CFAP57: variants seen among roughly 807,000 people sequenced by gnomAD.
The protein encoded by CFAP57 is cilia- and flagella-associated protein 57.
Under a neutral mutation model 146.8 loss-of-function variants are expected in CFAP57, and 116 were observed. The ratio of observed to expected loss-of-function variants is 0.79; its 90% CI spans 0.68 to 0.92. The LOEUF (loss-of-function observed/expected upper bound fraction) is 0.92. Among genes scored for constraint, CFAP57 ranks in the 40% least tolerant of loss-of-function variants. The pLI is 0.00. For synonymous variants in CFAP57, 518 were observed against 552.8 expected, an observed-to-expected ratio of 0.94 and a Z score of 0.88; for missense variants, 1,377 against 1,527.2, an observed-to-expected ratio of 0.90 and a Z score of 1.64.
At chr1:43,174,005 TTAA>T (rs1365619025) in intron 2 of CFAP57, among the ~76,000 whole-genome samples, 1 of 152,242 alleles carries the variant, frequency 6.6e-6, no homozygotes, top group African/African-American at 2.4e-5. Context: ...TTTGCTATCA[TTAA>T]TGATGATGAG....
intron 21 of CFAP57, among the ~76,000 whole-genome samples, chr1:43,236,590 TAAAAAAAAAA>T (rs764205138): frequency 7.2e-5 from 3 of 41,802 alleles, no homozygotes; most frequent in South Asian, 3.5e-3. Context: ...GAATAAGTGC[TAAAAAAAAAA>T]AAAAAAAAAA....
intron 21 of CFAP57, 131 bp from the exon 22 acceptor site, chr1:43,243,096 T>G: frequency 1.8e-6 from 2 of 1,098,070 alleles, no homozygotes; most frequent in Non-Finnish European, 2.4e-6. Flanking sequence ...CAGGCCCCAA[T>G]AGAGGATCCA....
Position 43,209,829 on chromosome 1 carries a change from G to T in CFAP57, c.1842G>T (p.Ser614=). The change falls in exon 11 of 23, where the codon TCG becomes TCT. Residue 614 remains serine, a synonymous_variant. Coordinates refer to ENST00000372492, the MANE Select transcript of CFAP57 (RefSeq NM_001378189.1). ...HSGRMMFVGT[S]VGTIRAMKYP... Reference sequence around the variant, plus strand: ...GACGCATGATGTTTGTGGGCACCTCGGTGGGAACCATTCGTGCCATGAAGT... The same window carrying T: ...GACGCATGATGTTTGTGGGCACCTCTGTGGGAACCATTCGTGCCATGAAGT... 1.2e-6 allele frequency: 2 copies of T among 1,614,180 alleles called. No individual in the cohort carries two copies. Among genetic ancestry groups the T allele is most frequent in the East Asian group, 4.5e-5 (2 of 44,878 alleles).
chr1:43,181,624 C>T lies in CFAP57; in HGVS notation c.248C>T (p.Ala83Val). ...TCTGAGACTGTGCAAGAAAAACCTG[C>T]CATCACCATTTATGAATTGTCATCC... Reference protein sequence around the residue: ...AISETVQEKPAITIYELSSIP... With the variant: ...AISETVQEKPVITIYELSSIP... The change falls in exon 3 of 23, where the codon GCC (alanine) becomes GTC (valine). Residue 83 changes from alanine (A) to valine (V), a missense_variant. Ala to Val is a moderately conservative substitution (Grantham distance 64). Transcript: ENST00000372492. 6.2e-7 allele frequency: 1 copy of T among 1,614,210 alleles called. No individual in the cohort carries two copies. The highest frequency in any genetic ancestry group is 2.2e-5 in the East Asian group (1 of 44,894).
intron 21 of CFAP57, among the ~76,000 whole-genome samples, chr1:43,242,780 T>A (rs1012598320): frequency 1.3e-5 from 2 of 152,288 alleles, no homozygotes; most frequent in East Asian, 1.9e-4. Flanking sequence ...TACCTCTCTG[T>A]GCCTCACTTT....
At chr1:43,193,321 C>T (rs1342970606) in intron 6 of CFAP57, among the ~76,000 whole-genome samples, 1 of 152,060 alleles carries the variant, frequency 6.6e-6, no homozygotes, top group Non-Finnish European at 1.5e-5. Context: ...CTGACAATCT[C>T]TTTTGATTGG....
chr1:43,188,050 C>A, intron 6 of CFAP57, among the ~76,000 whole-genome samples: 1 of 152,222 alleles, frequency 6.6e-6, no homozygotes. Context: ...GCAGTCCACC[C>A]GCCTCATCCT....
rs1009989286 is a variant in CFAP57, at chr1:43,245,931, C to T, written c.3538+2572C>T. ...TATACTAACAATGTACTATCCAAAA[C>T]GGAAATTAAGAAAACAATTGCATTT... On this transcript the variant is annotated intron_variant, in intron 22 of 22. Transcript: ENST00000372492. Among the ~76,000 whole-genome samples, 66 of 152,170 alleles carry T rather than the reference C, an allele frequency of 4.3e-4. No homozygotes were observed. In the East Asian group the frequency reaches 5.8e-3, roughly 13 times the overall value.
At chr1:43,186,610 CAAAAAAAA>C (rs36219136) in intron 5 of CFAP57, 89 bp from the exon 6 acceptor site, 3,896 of 748,694 alleles carry the variant, frequency 5.2e-3, no homozygotes, top group East Asian at 0.02. Flanking sequence ...GACTCCGTCT[CAAAAAAAA>C]AAAAAAAAAA....
intron 9 of CFAP57, among the ~76,000 whole-genome samples, chr1:43,204,242 T>C (rs1644256671): frequency 6.6e-6 from 1 of 152,220 alleles, no homozygotes; most frequent in African/African-American, 2.4e-5. Context: ...TACCTTCCTT[T>C]AATTATTTAA....
At position 43,185,327 on chromosome 1, in the gene CFAP57, G is replaced by A. The variant is rs761048869; in HGVS notation, c.940G>A (p.Asp314Asn). Reference sequence around the variant, plus strand: ...GCTGTTTGAGAAGATGGAAGAAAAGGATTTTTACCGTGAGAGCAGAGAAAT... The same window carrying A: ...GCTGTTTGAGAAGATGGAAGAAAAGAATTTTTACCGTGAGAGCAGAGAAAT... ...VLLFEKMEEK[D>N]FYRESREIRI... Residue 314 changes from aspartate (D) to asparagine (N), a missense_variant, in exon 5 of 23, where the codon GAT becomes AAT. By Grantham distance (23) the Asp-to-Asn change is conservative. Transcript: ENST00000372492. 3 of 1,614,004 alleles carry A rather than the reference G, an allele frequency of 1.9e-6. No homozygotes were observed. Among genetic ancestry groups the A allele is most frequent in the Non-Finnish European group, 8.5e-7 (1 of 1,180,002 alleles).
At chr1:43,243,447 G>A in intron 22 of CFAP57, 88 bp downstream of exon 22, 1 of 1,383,800 alleles carries the variant, frequency 7.2e-7, no homozygotes, top group Non-Finnish European at 9.5e-7. Context: ...GCTTCCTTCT[G>A]TATCAGGTCC....
At chr1:43,216,267 C>G (rs957806018) in intron 12 of CFAP57, among the ~76,000 whole-genome samples, 1 of 152,110 alleles carries the variant, frequency 6.6e-6, no homozygotes, top group Non-Finnish European at 1.5e-5. Flanking sequence ...GGGATAGAAA[C>G]AAGTAAAGCC....
chr1:43,172,763 G>A lies in CFAP57; in HGVS notation c.10G>A (p.Val4Met), dbSNP rs1557715264. 2 of 1,614,156 alleles carry A rather than the reference G, an allele frequency of 1.2e-6. No individual in the cohort carries two copies. The highest frequency in any genetic ancestry group is 4.5e-5 in the East Asian group (2 of 44,886). The change falls in exon 2 of 23, where the codon GTG (valine) becomes ATG (methionine). Residue 4 changes from valine to methionine, a missense_variant. Val to Met is a conservative substitution (Grantham distance 21). Coordinates refer to ENST00000372492, the MANE Select transcript of CFAP57 (RefSeq NM_001378189.1). MSA[V>M]VAQTLHVFGL... Reference sequence around the variant, plus strand: ...TGTTTGGCGGGAGATCATGTCAGCCGTGGTAGCTCAGACGCTGCATGTTTT... The same window carrying A: ...TGTTTGGCGGGAGATCATGTCAGCCATGGTAGCTCAGACGCTGCATGTTTT...
chr1:43,217,105 A>G (rs914071988), intron 12 of CFAP57, among the ~76,000 whole-genome samples: 12 of 152,178 alleles, frequency 7.9e-5, no homozygotes, highest in Admixed American at 3.9e-4. Context: ...ATGAGCAGTG[A>G]GTGTGTGCAG....
At chr1:43,188,954 A>C (rs184637837) in intron 6 of CFAP57, among the ~76,000 whole-genome samples, 2 of 152,200 alleles carry the variant, frequency 1.3e-5, no homozygotes, top group Non-Finnish European at 2.9e-5. Context: ...TAGGGGTCCA[A>C]CTTCATTCTT....
At position 43,243,296 on chromosome 1, in the gene CFAP57, T is replaced by A. The variant is rs1470271313; in HGVS notation, c.3475T>A (p.Tyr1159Asn). 1 of 1,548,592 alleles carries A rather than the reference T, an allele frequency of 6.5e-7. No individual in the cohort carries two copies. The highest frequency in any genetic ancestry group is 8.7e-7 in the Non-Finnish European group (1 of 1,145,862). ...GCTGAAGTTCACTCGGTCCCAAGTC[T>A]ATGACCTTGAAGCAGCTCTGAAACT... is the stretch of plus-strand genomic sequence containing the variant. ...RELKFTRSQV[Y>N]DLEAALKLTK... The change falls in exon 22 of 23, where the codon TAT becomes AAT. Residue 1159 changes from tyrosine to asparagine, a missense_variant. Tyr to Asn is a moderately radical substitution (Grantham distance 143). Transcript: ENST00000372492.
At chr1:43,192,755 T>C (rs551886734) in intron 6 of CFAP57, among the ~76,000 whole-genome samples, 1 of 148,628 alleles carries the variant, frequency 6.7e-6, no homozygotes, top group African/African-American at 2.5e-5. Context: ...CGAAACCCAG[T>C]CTCTATTAAA....
chr1:43,182,119 C>G (rs1234493530), intron 3 of CFAP57, among the ~76,000 whole-genome samples: 1 of 152,228 alleles, frequency 6.6e-6, no homozygotes, highest in Non-Finnish European at 1.5e-5. Flanking sequence ...CTTCTCTACT[C>G]TGGCCCAGAA....
Sources: gnomAD v4.1 joint callset for allele counts (sites outside exome capture counted in the v4.1 genomes callset) on GRCh38, gnomAD v4.1.1 for gene constraint, MANE v1.5 for transcripts, NCBI Gene and HGNC (gene_info 2026-07-23, HGNC 2026-07-21) for gene names.